Variants in NEGR1 observed in about 807,000 individuals in gnomAD.
NEGR1 encodes the protein IgLON family member 4.
A neutral mutation model predicts 40.9 loss-of-function variants in NEGR1; 10 were observed. The ratio of observed to expected loss-of-function variants is 0.24; its 90% CI spans 0.15 to 0.42. The LOEUF is 0.42. Among genes scored for constraint, NEGR1 ranks in the 10% least tolerant of loss-of-function variants. The probability of loss-of-function intolerance (pLI) is 1.00; values close to 1 mark genes in which losing one functional copy is unlikely to be tolerated. For synonymous variants in NEGR1, 185 were observed against 166.8 expected, an observed-to-expected ratio of 1.11 and a Z score of -0.84; for missense variants, 352 against 438.9, an observed-to-expected ratio of 0.80 and a Z score of 1.77.
intron 3 of NEGR1, among the ~76,000 whole-genome samples, chr1:71,775,457 T>G (rs1656471347): frequency 6.6e-6 from 1 of 151,672 alleles, no homozygotes; most frequent in South Asian, 2.1e-4. Context: ...ATGATTCTCC[T>G]GCCTCAGCCT....
intron 6 of NEGR1, among the ~76,000 whole-genome samples, chr1:71,478,192 A>G (rs1334520294): frequency 6.6e-6 from 1 of 152,050 alleles, no homozygotes; most frequent in African/African-American, 2.4e-5. Flanking sequence ...CTGTGTACAC[A>G]TGTGTATCGA....
intron 6 of NEGR1, among the ~76,000 whole-genome samples, chr1:71,421,728 A>T (rs867363437): frequency 7.2e-5 from 11 of 152,152 alleles, no homozygotes; most frequent in Admixed American, 4.6e-4. Flanking sequence ...GAAAGCAAGC[A>T]TAAGAAAAGC....
At chr1:71,671,910 TTG>T (rs1182817635) in intron 4 of NEGR1, among the ~76,000 whole-genome samples, 4,795 of 141,404 alleles carry the variant, frequency 0.034, 101 homozygotes, top group African/African-American at 0.077. Flanking sequence ...TTTTTTTTTT[TTG>T]TTTTAAGAGA....
intron 1 of NEGR1, among the ~76,000 whole-genome samples, chr1:72,015,345 G>A (rs1015661508): frequency 2.6e-5 from 4 of 151,832 alleles, no homozygotes; most frequent in Non-Finnish European, 5.9e-5. Context: ...AAAAAAAACA[G>A]ATGTATACAA....
intron 6 of NEGR1, among the ~76,000 whole-genome samples, chr1:71,489,336 T>G (rs1465646302): frequency 2.0e-5 from 3 of 151,906 alleles, no homozygotes; most frequent in African/African-American, 7.2e-5. Flanking sequence ...AGTTTTCTAA[T>G]TCGTGGCCCT....
chr1:71,997,663 C>T (rs1646516920), intron 1 of NEGR1, among the ~76,000 whole-genome samples: 1 of 151,852 alleles, frequency 6.6e-6, no homozygotes, highest in African/African-American at 2.4e-5. Flanking sequence ...AACTAAGACT[C>T]CAATAAATAT....
intron 1 of NEGR1, among the ~76,000 whole-genome samples, chr1:72,262,771 AGC>A (rs1445593306): frequency 6.6e-6 from 1 of 151,988 alleles, no homozygotes; most frequent in East Asian, 1.9e-4. Flanking sequence ...TATTCGCAAC[AGC>A]ATATAATGCT....
intron 6 of NEGR1, among the ~76,000 whole-genome samples, chr1:71,411,953 A>G (rs866361389): frequency 6.6e-6 from 1 of 152,228 alleles, no homozygotes; most frequent in South Asian, 2.1e-4. Context: ...GTGAGCCGAG[A>G]TCGCGCCACT....
rs147688438 is a variant in NEGR1, at chr1:72,129,625, T to A, written c.176+152694A>T. Among the ~76,000 whole-genome samples the A allele has an allele frequency of 1.2e-4, 18 of 152,310 alleles. No homozygotes were observed. In the East Asian group the frequency reaches 3.5e-3, roughly 29 times the overall value. ...CAAACAGATAAAAGTAATAAAATGTTGCAAGGAAGGCAAGTAGGGAGATGT... is the reference window on the plus strand; with the variant it reads ...CAAACAGATAAAAGTAATAAAATGTAGCAAGGAAGGCAAGTAGGGAGATGT... On this transcript the variant is annotated intron_variant, in intron 1 of 6. Transcript: ENST00000357731.
At chr1:71,595,523 G>A (rs912786613) in intron 5 of NEGR1, among the ~76,000 whole-genome samples, 5 of 152,146 alleles carry the variant, frequency 3.3e-5, no homozygotes, top group Admixed American at 2.0e-4. Context: ...ATGTACTTTT[G>A]TGATTTTCCT....
chr1:71,673,741 C>A (rs1185293577), intron 4 of NEGR1, among the ~76,000 whole-genome samples: 1 of 151,988 alleles, frequency 6.6e-6, no homozygotes, highest in Non-Finnish European at 1.5e-5. Context: ...GCAATCAAAT[C>A]AATGCTTATA....
At chr1:72,146,503 G>A (rs1477986196) in intron 1 of NEGR1, among the ~76,000 whole-genome samples, 5 of 152,086 alleles carry the variant, frequency 3.3e-5, no homozygotes, top group Non-Finnish European at 5.9e-5. Flanking sequence ...ACACATGGGT[G>A]GCTGGATGAT....
At chr1:71,807,983 G>T (rs1005365885) in intron 2 of NEGR1, among the ~76,000 whole-genome samples, 7 of 151,996 alleles carry the variant, frequency 4.6e-5, no homozygotes, top group Non-Finnish European at 8.8e-5. Flanking sequence ...TACACATATT[G>T]TATCCTTTAA....
chr1:71,761,262 T>C (rs990143442), intron 3 of NEGR1, among the ~76,000 whole-genome samples: 7 of 152,128 alleles, frequency 4.6e-5, no homozygotes, highest in Admixed American at 2.6e-4. Context: ...TATTCACTTC[T>C]ACTGCTGTAG....
chr1:71,435,107 AAAC>A (rs1486671833), intron 6 of NEGR1, among the ~76,000 whole-genome samples: 31 of 147,446 alleles, frequency 2.1e-4, no homozygotes, highest in African/African-American at 7.8e-4. Context: ...ACAAACAAAC[AAAC>A]AAAAAAAAAA....
intron 3 of NEGR1, among the ~76,000 whole-genome samples, chr1:71,740,343 T>C (rs2101675472): frequency 6.6e-6 from 1 of 152,254 alleles, no homozygotes; most frequent in South Asian, 2.1e-4. Flanking sequence ...TTAGGTTTGC[T>C]CTGCTACTCT....
intron 1 of NEGR1, among the ~76,000 whole-genome samples, chr1:71,978,855 C>T (rs1646330242): frequency 6.6e-6 from 1 of 152,100 alleles, no homozygotes; most frequent in Non-Finnish European, 1.5e-5. Context: ...ATTACATACT[C>T]TGGGATAACC....
chr1:71,621,828 A>G (rs1175120482), intron 4 of NEGR1, among the ~76,000 whole-genome samples: 2 of 151,908 alleles, frequency 1.3e-5, no homozygotes, highest in East Asian at 3.9e-4. Context: ...AGCTATCATT[A>G]GTCATTATAT....
At chr1:71,827,692 G>T (rs1404807590) in intron 2 of NEGR1, among the ~76,000 whole-genome samples, 1 of 151,780 alleles carries the variant, frequency 6.6e-6, no homozygotes, top group African/African-American at 2.4e-5. Context: ...ATAAAGACAA[G>T]AATGGGCAAC....
Sources: allele counts gnomAD v4.1 joint callset (sites outside exome capture counted in the v4.1 genomes callset), GRCh38; gene constraint gnomAD v4.1.1; transcripts MANE v1.5; gene names NCBI Gene and HGNC (gene_info 2026-07-23, HGNC 2026-07-21).